DPYD: variants seen among roughly 807,000 people sequenced by gnomAD.
The protein encoded by DPYD is dihydropyrimidine dehydrogenase [NADP(+)].
A neutral mutation model predicts 116.2 loss-of-function variants in DPYD; 109 were observed. The ratio of observed to expected loss-of-function variants is 0.94; its 90% confidence interval spans 0.80 to 1.10. DPYD has a LOEUF of 1.10. Ranked by LOEUF, DPYD falls within the 50% of genes least tolerant of loss-of-function variation. The pLI is 0.00. For missense variants in DPYD, 1,302 were observed against 1,254.5 expected, an observed-to-expected ratio of 1.04 and a Z score of -0.57; for synonymous variants, 440 against 432.0, an observed-to-expected ratio of 1.02 and a Z score of -0.23.
At chr1:97,446,779 G>A (rs4612663) in intron 14 of DPYD, among the ~76,000 whole-genome samples, 4 of 151,940 alleles carry the variant, frequency 2.6e-5, no homozygotes, top group African/African-American at 9.7e-5. Flanking sequence ...TTCATAAGGC[G>A]TTTGCATTGA....
intron 3 of DPYD, among the ~76,000 whole-genome samples, chr1:97,823,864 C>CTTTTT: frequency 2.4e-5 from 2 of 81,716 alleles, no homozygotes; most frequent in Non-Finnish European, 4.6e-5. Flanking sequence ...ACTACAAAGT[C>CTTTTT]TTTTTTTTTT....
At chr1:97,880,792 A>G (rs1283577990) in intron 2 of DPYD, among the ~76,000 whole-genome samples, 1 of 151,988 alleles carries the variant, frequency 6.6e-6, no homozygotes, top group East Asian at 1.9e-4. Context: ...CACAATCACT[A>G]TTGAATACAG....
At chr1:97,152,539 T>G (rs1028769093) in intron 20 of DPYD, among the ~76,000 whole-genome samples, 4 of 151,340 alleles carry the variant, frequency 2.6e-5, no homozygotes, top group Non-Finnish European at 5.9e-5. Flanking sequence ...AATATATCTA[T>G]TAAATTATAA....
intron 13 of DPYD, among the ~76,000 whole-genome samples, chr1:97,479,135 T>C (rs972654590): frequency 6.6e-6 from 1 of 152,234 alleles, no homozygotes. Flanking sequence ...TTCAGAGGAG[T>C]GGCACTTTTA....
intron 14 of DPYD, among the ~76,000 whole-genome samples, chr1:97,392,346 C>T (rs28714464): frequency 0.19 from 29,127 of 151,724 alleles, 2,974 homozygotes; most frequent in South Asian, 0.37. Context: ...TTCTTTCTCA[C>T]TCTTTTTTTT....
chr1:97,839,343 C>T (rs1306844251), intron 2 of DPYD, among the ~76,000 whole-genome samples: 1 of 152,326 alleles, frequency 6.6e-6, no homozygotes, highest in Non-Finnish European at 1.5e-5. Flanking sequence ...AACCTAACAT[C>T]TAATTCTACT....
chr1:97,582,647 G>T (rs1466434947), intron 10 of DPYD, among the ~76,000 whole-genome samples: 1 of 152,142 alleles, frequency 6.6e-6, no homozygotes, highest in Non-Finnish European at 1.5e-5. Context: ...AAAAAAGTTT[G>T]CTGAGACCAC....
intron 12 of DPYD, among the ~76,000 whole-genome samples, chr1:97,544,526 C>A (rs141878382): frequency 6.6e-6 from 1 of 152,156 alleles, no homozygotes; most frequent in African/African-American, 2.4e-5. Context: ...TTCATTATAG[C>A]TAAAGGTCTG....
chr1:97,329,592 A>T (rs1668878409), intron 16 of DPYD, among the ~76,000 whole-genome samples: 1 of 151,344 alleles, frequency 6.6e-6, no homozygotes, highest in African/African-American at 2.4e-5. Flanking sequence ...ACTAAAAATT[A>T]AAAAAACAAA....
At chr1:97,683,684 T>G (rs1660554280) in intron 7 of DPYD, among the ~76,000 whole-genome samples, 1 of 152,022 alleles carries the variant, frequency 6.6e-6, no homozygotes. Flanking sequence ...CCATTTCTCC[T>G]AAAGGGAATA....
chr1:97,529,801 T>C (rs1649455615), intron 12 of DPYD, among the ~76,000 whole-genome samples: 1 of 151,504 alleles, frequency 6.6e-6, no homozygotes, highest in African/African-American at 2.4e-5. Context: ...TTTTTCCCTT[T>C]TTCTTTCTTT....
chr1:97,656,964 GTATT>G (rs1323650540), intron 8 of DPYD, among the ~76,000 whole-genome samples: 1 of 123,778 alleles, frequency 8.1e-6, no homozygotes, highest in African/African-American at 2.9e-5. Context: ...CTGCATGATT[GTATT>G]TTTTTTTTTT....
intron 3 of DPYD, among the ~76,000 whole-genome samples, chr1:97,814,989 G>C (rs973553523): frequency 6.8e-6 from 1 of 147,216 alleles, no homozygotes; most frequent in Non-Finnish European, 1.5e-5. Context: ...AGAGAGAAAG[G>C]AAAGGAAAAG....
At position 97,318,379 on chromosome 1, in the gene DPYD, G is replaced by T. The variant is rs553058495; in HGVS notation, c.2059-12082C>A. On this transcript the variant is annotated intron_variant, in intron 16 of 22. Transcript: ENST00000370192. ...CACATAGGCTCAAAATAAAAGGATG[G>T]AGGAAGATCTACCAAGCAAATGGAA... Among the ~76,000 whole-genome samples, 314 of 137,962 alleles carry T rather than the reference G, an allele frequency of 2.3e-3. 6 individuals are homozygous for T. The highest frequency in any genetic ancestry group is 7.7e-3 in the African/African-American group (301 of 39,012). The allele number at this position is 137,962 out of a possible 152,430, so 90.5% of individuals were successfully genotyped here. A position where few individuals can be genotyped will look rare whatever the true frequency, so the allele number is the denominator to read the frequency against.
At position 97,777,934 on chromosome 1, in the gene DPYD, G is replaced by T. The variant is rs569155896; in HGVS notation, c.234-37455C>A. Among the ~76,000 whole-genome samples, 13 of 152,032 alleles carry T rather than the reference G, an allele frequency of 8.6e-5. No individual in the cohort carries two copies. The East Asian group carries it at 2.5e-3, about 29-fold the overall frequency. ...GCACTTTGGGAGGCCTAGGCAGGCA[G>T]ATCACCTGAGGTCAGGAGTTTGAGA... On this transcript the variant is annotated intron_variant, in intron 3 of 22. Transcript: ENST00000370192.
chr1:97,146,859 T>A (rs1214296234), intron 20 of DPYD, among the ~76,000 whole-genome samples: 1 of 152,140 alleles, frequency 6.6e-6, no homozygotes, highest in African/African-American at 2.4e-5. Flanking sequence ...GAGATAAATA[T>A]ATCCAGTGGG....
chr1:97,215,366 T>C (rs1193136036), intron 19 of DPYD, among the ~76,000 whole-genome samples: 3 of 152,198 alleles, frequency 2.0e-5, no homozygotes, highest in African/African-American at 7.2e-5. Context: ...TCTTATTTGG[T>C]GATTCTGAGA....
chr1:97,336,940 G>A (rs1669318773), intron 16 of DPYD, among the ~76,000 whole-genome samples: 1 of 152,120 alleles, frequency 6.6e-6, no homozygotes, highest in Admixed American at 6.5e-5. Context: ...TATAAATAAG[G>A]TCAAATTCTG....
chr1:97,664,554 T>A (rs1224738006), intron 8 of DPYD, among the ~76,000 whole-genome samples: 3 of 152,016 alleles, frequency 2.0e-5, no homozygotes, highest in Non-Finnish European at 4.4e-5. Context: ...TAACTATACA[T>A]TAGTTTTATA....
Sources: allele counts gnomAD v4.1 joint callset (sites outside exome capture counted in the v4.1 genomes callset), GRCh38; gene constraint gnomAD v4.1.1; transcripts MANE v1.5; gene names NCBI Gene and HGNC (gene_info 2026-07-23, HGNC 2026-07-21).